DCUN1D1: variants seen among roughly 807,000 people sequenced by gnomAD.
DCUN1D1 encodes the protein DCN1-like protein 1.
A neutral mutation model predicts 39.0 loss-of-function variants in DCUN1D1; 3 were observed. That is an observed-to-expected ratio of 0.08 (90% CI 0.04 to 0.20). The LOEUF (loss-of-function observed/expected upper bound fraction) is 0.20. Among genes scored for constraint, DCUN1D1 ranks in the 10% least tolerant of loss-of-function variants. The pLI is 1.00. For missense variants in DCUN1D1, 158 were observed against 302.4 expected (o/e 0.52, Z 3.54); for synonymous variants, 82 against 96.3 (o/e 0.85, Z 0.87).
intron 1 of DCUN1D1, chr3:182,980,152 C>T (rs1728462268): frequency 3.3e-6 from 2 of 613,264 alleles, no homozygotes; most frequent in Admixed American, 6.3e-5. Context: ...GTTGCCCCCT[C>T]CCCTCCCCCC....
At chr3:182,965,490 G>T in intron 2 of DCUN1D1, 47 bp downstream of exon 2, 1 of 1,332,510 alleles carries the variant, frequency 7.5e-7, no homozygotes, top group Non-Finnish European at 1.1e-6. Context: ...CCATCTCTTT[G>T]GAAAATCTGG....
chr3:182,961,812 T>C (rs1727412690), intron 3 of DCUN1D1, among the ~76,000 whole-genome samples: 1 of 152,212 alleles, frequency 6.6e-6, no homozygotes, highest in Non-Finnish European at 1.5e-5. Context: ...TGCTTCTTGT[T>C]ATATACACAG....
chr3:182,964,023 T>C lies in DCUN1D1; in HGVS notation c.247A>G (p.Ile83Val), dbSNP rs1465578722. Residue 83 changes from isoleucine to valine, a missense_variant, in exon 3 of 7, where the codon ATA (isoleucine) becomes GTA (valine). This residue lies in a region of DCUN1D1 where 107 missense variants were observed against 174.7 expected (regional missense o/e 0.61). Transcript: ENST00000292782. The stretch of plus-strand genomic sequence containing the variant: ...TCACAGAACTGCTGTATGCCATCTA[T>C]TCCAATTTTATTCTCATCTTGAGGG... ...KDPQDENKIG[I>V]DGIQQFCDDL... is the part of the protein sequence containing the mutation. 7 of 1,613,170 alleles carry C rather than the reference T, an allele frequency of 4.3e-6. No individual in the cohort carries two copies. The East Asian group carries it at 8.9e-5, about 21-fold the overall frequency.
chr3:182,973,433 G>C (rs1301940427), intron 1 of DCUN1D1, among the ~76,000 whole-genome samples: 1 of 152,202 alleles, frequency 6.6e-6, no homozygotes, highest in African/African-American at 2.4e-5. Context: ...GGGTATTACT[G>C]TACTACTAAG....
chr3:182,963,917 G>A lies in DCUN1D1; in HGVS notation c.353C>T (p.Ser118Phe), dbSNP rs2108375960. ...KFRAATQCEF[S>F]KQEFMDGMTE... ...CATGCCATCCATGAACTCCTGTTTG[G>A]AGAACTCGCACTGTGTTGCTGCTCT... The change falls in exon 3 of 7, where the codon TCC (serine) becomes TTC (phenylalanine). Residue 118 changes from serine to phenylalanine, a missense_variant. Physicochemically the swap from Ser to Phe is radical, Grantham distance 155. Transcript: ENST00000292782. The A allele has an allele frequency of 6.2e-7, 1 of 1,612,382 alleles. No individual in the cohort carries two copies. The highest frequency in any genetic ancestry group is 8.5e-7 in the Non-Finnish European group (1 of 1,178,930).
intron 1 of DCUN1D1, 143 bp downstream of exon 1, chr3:182,980,343 GC>G: frequency 1.9e-6 from 1 of 528,412 alleles, no homozygotes; most frequent in Non-Finnish European, 2.4e-6. Context: ...AGGCAGGAGA[GC>G]CCCCGCCTGG....
chr3:182,950,999 T>G (rs1241072006), intron 4 of DCUN1D1: 1 of 72,182 alleles, frequency 1.4e-5, no homozygotes, highest in Middle Eastern at 0.014. Context: ...AGAACAAAAC[T>G]CTGTCTCAAA....
Position 182,939,698 on chromosome 3 carries a change from A to C in DCUN1D1, c.*5396T>G, listed in dbSNP as rs1158936927. On this transcript the variant is annotated 3_prime_UTR_variant, in exon 7 of 7. Coordinates refer to ENST00000292782, the MANE Select transcript of DCUN1D1 (RefSeq NM_020640.4). ...GTGGCTGCGTGGGGCTGGAGGCAGGAGCAAATTAACCGCAGAGCAGCAGGA... is the reference window on the plus strand; with the variant it reads ...GTGGCTGCGTGGGGCTGGAGGCAGGCGCAAATTAACCGCAGAGCAGCAGGA... 6.6e-6 allele frequency: 1 copy of C among 152,234 alleles called. No homozygotes were observed. Among genetic ancestry groups the C allele is most frequent in the African/African-American group, 2.4e-5 (1 of 41,440 alleles). The allele number at this position is 152,234 out of a possible 1,614,324, so 9.4% of individuals were successfully genotyped here.
intron 1 of DCUN1D1, among the ~76,000 whole-genome samples, chr3:182,970,098 A>T (rs566381279): frequency 5.9e-5 from 9 of 152,014 alleles, no homozygotes; most frequent in South Asian, 2.1e-4. Flanking sequence ...CGCTACAAAA[A>T]TTTTTTTTAA....
intron 4 of DCUN1D1, among the ~76,000 whole-genome samples, chr3:182,953,762 T>C (rs191113514): frequency 8.5e-5 from 13 of 152,108 alleles, no homozygotes; most frequent in East Asian, 3.9e-4. Flanking sequence ...AAGGCAAATA[T>C]AGAGAAAAAG....
At chr3:182,956,214 AC>A in intron 4 of DCUN1D1, 1 of 267,514 alleles carries the variant, frequency 3.7e-6, no homozygotes, top group East Asian at 9.5e-5. Context: ...GGCGTGAGCC[AC>A]CATGCCCAGT....
intron 4 of DCUN1D1, chr3:182,956,311 CA>C: frequency 2.3e-5 from 6 of 263,936 alleles, no homozygotes; most frequent in Admixed American, 3.7e-5. Flanking sequence ...AGCTCATCAC[CA>C]AAACCCCAAT....
rs533434313 is a variant in DCUN1D1 at position 182,944,996 on chromosome 3, T to C, written c.*98A>G. ...CAACCCTCAGTCTGAATTGTGAGGA[T>C]TGATCTTCAGTTCAGTCCAGCCAGC... On this transcript the variant is annotated 3_prime_UTR_variant, in exon 7 of 7. Transcript: ENST00000292782. 15 of 997,784 alleles carry C rather than the reference T, an allele frequency of 1.5e-5. No homozygotes were observed. Among genetic ancestry groups the C allele is most frequent in the East Asian group, 4.9e-5 (2 of 40,992 alleles). 61.8% of individuals were successfully genotyped at this position (997,784 alleles called of 1,614,324 possible). A position where few individuals can be genotyped will look rare whatever the true frequency, so the allele number is the denominator to read the frequency against.
intron 4 of DCUN1D1, among the ~76,000 whole-genome samples, chr3:182,949,613 C>G (rs1726602948): frequency 6.6e-6 from 1 of 151,586 alleles, no homozygotes; most frequent in Admixed American, 6.6e-5. Context: ...CCAGCTACTC[C>G]AGGAAGCTGA....
chr3:182,950,063 G>A (rs1726628988), intron 4 of DCUN1D1, among the ~76,000 whole-genome samples: 1 of 152,132 alleles, frequency 6.6e-6, no homozygotes, highest in African/African-American at 2.4e-5. Context: ...CTTGTCTGTT[G>A]ATTTGCTTTC....
chr3:182,962,483 T>A (rs1049799534), intron 3 of DCUN1D1, among the ~76,000 whole-genome samples: 1 of 152,192 alleles, frequency 6.6e-6, no homozygotes, highest in African/African-American at 2.4e-5. Flanking sequence ...CCCAGCAGTA[T>A]CCACTAGTGG....
upstream of DCUN1D1, chr3:182,980,579 CG>C (rs1728496409): frequency 1.7e-6 from 2 of 1,152,834 alleles, no homozygotes; most frequent in Admixed American, 3.6e-5. Context: ...CGGGCTTGCC[CG>C]GCTCCCGCTC....
intron 3 of DCUN1D1, among the ~76,000 whole-genome samples, chr3:182,962,585 C>A (rs532554457): frequency 2.7e-4 from 41 of 152,316 alleles, no homozygotes; most frequent in Non-Finnish European, 5.0e-4. Flanking sequence ...AACCCCAGAT[C>A]TGAATCTCAG....
At chr3:182,950,119 G>A (rs767290759) in intron 4 of DCUN1D1, among the ~76,000 whole-genome samples, 1 of 151,692 alleles carries the variant, frequency 6.6e-6, no homozygotes, top group African/African-American at 2.4e-5. Flanking sequence ...CTGGCATTTC[G>A]AACTCCATCA....
Sources: gnomAD v4.1 joint callset for allele counts (sites outside exome capture counted in the v4.1 genomes callset) on GRCh38, gnomAD v4.1.1 for gene constraint, gnomAD v4.1.1 regional missense constraint, MANE v1.5 for transcripts, NCBI Gene and HGNC (gene_info 2026-07-23, HGNC 2026-07-21) for gene names.